The following PPP6R2 variants were observed in gnomAD, a reference collection of about 807,000 sequenced individuals.
PPP6R2 encodes the protein serine/threonine-protein phosphatase 6 regulatory subunit 2.
PPP6R2 carries 62 observed loss-of-function variants against 100.2 expected under a neutral mutation model. The ratio of observed to expected loss-of-function variants is 0.62; its 90% CI spans 0.50 to 0.76. The LOEUF is 0.76. Ranked by LOEUF, PPP6R2 falls within the 30% of genes least tolerant of loss-of-function variation. The probability of loss-of-function intolerance (pLI) is 0.00; values close to 1 mark genes in which losing one functional copy is unlikely to be tolerated. For synonymous variants in PPP6R2, 525 were observed against 514.7 expected, an observed-to-expected ratio of 1.02 and a Z score of -0.27; for missense variants, 1,142 against 1,276.3, an observed-to-expected ratio of 0.89 and a Z score of 1.60.
upstream of PPP6R2, among the ~76,000 whole-genome samples, chr22:50,339,623 G>C (rs2042346613): frequency 1.5e-5 from 2 of 136,816 alleles, no homozygotes; most frequent in African/African-American, 5.5e-5. Flanking sequence ...GTGGTATGTA[G>C]TGTGTGTTAT....
At chr22:50,363,296 C>CT (rs2048143814) in intron 1 of PPP6R2, among the ~76,000 whole-genome samples, 1 of 152,156 alleles carries the variant, frequency 6.6e-6, no homozygotes, top group African/African-American at 2.4e-5. Context: ...TTCTGCAGGC[C>CT]TTTAAGTTGC....
intron 1 of PPP6R2, among the ~76,000 whole-genome samples, chr22:50,358,181 C>T (rs895175041): frequency 6.6e-6 from 1 of 152,090 alleles, no homozygotes; most frequent in Non-Finnish European, 1.5e-5. Context: ...TTCTTTAACT[C>T]CTGACCTCAA....
chr22:50,438,491 C>G, intron 18 of PPP6R2, 108 bp from the exon 19 acceptor site: 4 of 1,455,312 alleles, frequency 2.7e-6, no homozygotes, highest in Non-Finnish European at 2.8e-6. Context: ...GCTCCTCTCT[C>G]GAGACGATCT....
At chr22:50,429,391 C>T (rs755062955) in intron 10 of PPP6R2, among the ~76,000 whole-genome samples, 6 of 152,102 alleles carry the variant, frequency 3.9e-5, no homozygotes, top group African/African-American at 7.2e-5. Context: ...GGCTTTCGTC[C>T]TTTATCCTGT....
chr22:50,365,691 AAAAG>A (rs1479838019), intron 1 of PPP6R2, among the ~76,000 whole-genome samples: 5 of 151,222 alleles, frequency 3.3e-5, no homozygotes, highest in South Asian at 4.2e-4. Context: ...AAAAAAAAAA[AAAAG>A]AACCATTTAA....
chr22:50,417,222 C>G (rs1225233866), intron 6 of PPP6R2, among the ~76,000 whole-genome samples: 1 of 152,082 alleles, frequency 6.6e-6, no homozygotes, highest in Non-Finnish European at 1.5e-5. Flanking sequence ...GGCTGTGGGC[C>G]GAGGCCGCCC....
upstream of PPP6R2, among the ~76,000 whole-genome samples, chr22:50,339,763 TGTGTGTG>T (rs753898588): frequency 3.5e-5 from 4 of 114,190 alleles, no homozygotes; most frequent in Non-Finnish European, 6.8e-5. Context: ...TGGTGTGTGG[TGTGTGTG>T]GTATGTGGTG....
intron 1 of PPP6R2, among the ~76,000 whole-genome samples, chr22:50,346,748 C>T (rs527660021): frequency 6.7e-6 from 1 of 149,224 alleles, no homozygotes; most frequent in East Asian, 2.0e-4. Flanking sequence ...GTCAGTGCTC[C>T]CCCACCGTCA....
chr22:50,338,603 GTGTGGTA>G (rs1270668522), upstream of PPP6R2, among the ~76,000 whole-genome samples: 1 of 145,870 alleles, frequency 6.9e-6, no homozygotes, highest in African/African-American at 2.6e-5. Context: ...TGTGTGGTGT[GTGTGGTA>G]TGTAGTATGT....
intron 4 of PPP6R2, among the ~76,000 whole-genome samples, chr22:50,412,794 A>G (rs938278870): frequency 5.3e-5 from 8 of 150,460 alleles, no homozygotes; most frequent in Admixed American, 2.7e-4. Context: ...CGTGCCCACC[A>G]CCATGCCCGG....
At chr22:50,358,011 G>A (rs909876895) in intron 1 of PPP6R2, among the ~76,000 whole-genome samples, 1 of 151,780 alleles carries the variant, frequency 6.6e-6, no homozygotes, top group African/African-American at 2.4e-5. Context: ...GAGTGCAGTG[G>A]CGTGATCGTG....
chr22:50,333,930 A>C, the PPP6R2 span, among the ~76,000 whole-genome samples: 2 of 152,352 alleles, frequency 1.3e-5, no homozygotes, highest in African/African-American at 4.8e-5. Context: ...TCACGTGTCC[A>C]TGGGCCAGGG....
intron 10 of PPP6R2, among the ~76,000 whole-genome samples, chr22:50,430,844 A>G (rs1353520654): frequency 6.8e-6 from 1 of 146,492 alleles, no homozygotes; most frequent in East Asian, 2.1e-4. Context: ...ACTGCACTCT[A>G]GCCTGGGAGA....
At chr22:50,443,770 C>T (rs113614616) in intron 22 of PPP6R2, 96 bp from the exon 23 acceptor site, 61 of 1,459,082 alleles carry the variant, frequency 4.2e-5, no homozygotes, top group African/African-American at 1.8e-4. Flanking sequence ...GCTCCCAGGC[C>T]GCCTGGACCT....
intron 1 of PPP6R2, among the ~76,000 whole-genome samples, chr22:50,370,145 C>CGACACT (rs2049731929): frequency 6.6e-6 from 1 of 151,226 alleles, no homozygotes; most frequent in African/African-American, 2.4e-5. Flanking sequence ...GTGATCGACA[C>CGACACT]TTTTTTTTTA....
At chr22:50,357,528 C>G (rs914281857) in intron 1 of PPP6R2, among the ~76,000 whole-genome samples, 1 of 151,834 alleles carries the variant, frequency 6.6e-6, no homozygotes, top group Non-Finnish European at 1.5e-5. Flanking sequence ...AGGTCTCACT[C>G]TGTCACCCAG....
chr22:50,372,738 G>A (rs1167582367), intron 2 of PPP6R2, among the ~76,000 whole-genome samples: 1 of 151,490 alleles, frequency 6.6e-6, no homozygotes, highest in Non-Finnish European at 1.5e-5. Flanking sequence ...GCCCAGGCTG[G>A]AGTGCAGTGG....
At chr22:50,361,960 C>T (rs1443055256) in intron 1 of PPP6R2, among the ~76,000 whole-genome samples, 1 of 152,128 alleles carries the variant, frequency 6.6e-6, no homozygotes, top group East Asian at 1.9e-4. Flanking sequence ...AACACTTTTA[C>T]CTGCAGTGCA....
At position 50,419,461 on chromosome 22, in the gene PPP6R2, G is replaced by C. The variant is rs1484354095; in HGVS notation, c.844G>C (p.Gly282Arg). 1 of 1,612,320 alleles carries C rather than the reference G, an allele frequency of 6.2e-7. No homozygotes were observed. Among genetic ancestry groups the C allele is most frequent in the South Asian group, 1.1e-5 (1 of 90,982 alleles). The change falls in exon 8 of 24, where the codon GGG becomes CGG. Residue 282 changes from glycine to arginine, a missense_variant and splice_region_variant. Transcript: ENST00000612753. ...CACCTTGCTGGAAACCAGGCGGGTT[G>C]GGTGAGTCTCACGAGGAGAAATCGT... ...LLTLLETRRV[G>R]TEGLVDSFSQ...
Sources: allele counts gnomAD v4.1 joint callset (sites outside exome capture counted in the v4.1 genomes callset), GRCh38; gene constraint gnomAD v4.1.1; transcripts MANE v1.5; gene names NCBI Gene and HGNC (gene_info 2026-07-23, HGNC 2026-07-21).